The following CSMD1 variants were observed in gnomAD, a reference collection of about 807,000 sequenced individuals.
The protein encoded by CSMD1 is CUB and Sushi multiple domains 1.
Under a neutral mutation model 417.5 loss-of-function variants are expected in CSMD1, and 213 were observed. The ratio of observed to expected loss-of-function variants is 0.51; its 90% CI spans 0.46 to 0.57. The LOEUF is 0.57. Ranked by LOEUF, CSMD1 falls within the 20% of genes least tolerant of loss-of-function variation. The pLI is 0.00. For missense variants in CSMD1, 6,923 were observed against 4,529.7 expected (o/e 1.53, Z -15.17); for synonymous variants, 2,862 against 1,736.8 (o/e 1.65, Z -16.11).
chr8:4,237,793 A>C (rs190624253), intron 3 of CSMD1, among the ~76,000 whole-genome samples: 5 of 152,320 alleles, frequency 3.3e-5, no homozygotes, highest in African/African-American at 1.2e-4. Flanking sequence ...GATTGTAGAC[A>C]TGGGCCACAG....
chr8:3,253,884 T>A lies in CSMD1; in HGVS notation c.4154-23653A>T, dbSNP rs915364833. 6.6e-5 allele frequency among the ~76,000 whole-genome samples: 10 copies of A among 152,116 alleles called. No individual in the cohort carries two copies. The East Asian group carries it at 7.7e-4, about 12-fold the overall frequency. The stretch of plus-strand genomic sequence containing the variant: ...ATTTAGCCCATTTACATTTAAGGTT[T>A]ATATTGTTATGTGTGAATTTGATCC... On this transcript the variant is annotated intron_variant, in intron 26 of 69. Coordinates refer to ENST00000635120, the MANE Select transcript of CSMD1 (RefSeq NM_033225.6).
chr8:4,353,147 CCA>C (rs1801195717), intron 3 of CSMD1, among the ~76,000 whole-genome samples: 1 of 152,100 alleles, frequency 6.6e-6, no homozygotes, highest in Non-Finnish European at 1.5e-5. Flanking sequence ...GGCTGTGTCC[CCA>C]CACAACTGTC....
At chr8:4,294,920 T>C (rs888735765) in intron 3 of CSMD1, among the ~76,000 whole-genome samples, 1 of 151,596 alleles carries the variant, frequency 6.6e-6, no homozygotes, top group African/African-American at 2.4e-5. Flanking sequence ...CAGGTAACCA[T>C]GTGGTCCTAT....
chr8:3,195,082 C>G (rs773813505), intron 33 of CSMD1, among the ~76,000 whole-genome samples: 3 of 152,110 alleles, frequency 2.0e-5, no homozygotes, highest in African/African-American at 7.2e-5. Flanking sequence ...CTGGAAGGAA[C>G]TGAAAGCAGC....
intron 6 of CSMD1, among the ~76,000 whole-genome samples, chr8:3,753,428 C>T (rs1200919926): frequency 6.6e-6 from 1 of 152,242 alleles, no homozygotes; most frequent in East Asian, 1.9e-4. Flanking sequence ...CTACAGACTC[C>T]CCATTTTGCT....
At chr8:3,473,240 C>G (rs1389629075) in intron 11 of CSMD1, among the ~76,000 whole-genome samples, 11 of 152,134 alleles carry the variant, frequency 7.2e-5, no homozygotes, top group Admixed American at 5.9e-4. Flanking sequence ...AAACAGTCAG[C>G]AAGCACACTG....
At chr8:3,325,223 C>A (rs182813095) in intron 23 of CSMD1, among the ~76,000 whole-genome samples, 2 of 152,284 alleles carry the variant, frequency 1.3e-5, no homozygotes, top group Admixed American at 1.3e-4. Flanking sequence ...TGTTTAACTT[C>A]CTACAAATGA....
chr8:3,831,786 G>T lies in CSMD1; in HGVS notation c.819-77744C>A, dbSNP rs1017240909. On this transcript the variant is annotated intron_variant, in intron 5 of 69. Coordinates refer to ENST00000635120, the MANE Select transcript of CSMD1 (RefSeq NM_033225.6). ...ACACATAGCCATTTGGGATATTTTT[G>T]CTCACACGCGGGACTGTGAAATGCT... 5.3e-5 allele frequency among the ~76,000 whole-genome samples: 8 copies of T among 152,228 alleles called. No individual in the cohort carries two copies. The East Asian group carries it at 1.5e-3, about 29-fold the overall frequency.
chr8:3,919,455 T>C (rs1205382351), intron 5 of CSMD1, among the ~76,000 whole-genome samples: 2 of 152,092 alleles, frequency 1.3e-5, no homozygotes, highest in Non-Finnish European at 2.9e-5. Context: ...TTTGCTTGAG[T>C]TCACTTTCTG....
chr8:4,661,017 T>C (rs1804564963), intron 1 of CSMD1, among the ~76,000 whole-genome samples: 2 of 152,082 alleles, frequency 1.3e-5, no homozygotes, highest in Non-Finnish European at 2.9e-5. Context: ...ACATTGCTGG[T>C]TGGAATGCAA....
intron 26 of CSMD1, among the ~76,000 whole-genome samples, chr8:3,256,686 C>T (rs1003179864): frequency 6.6e-6 from 1 of 152,194 alleles, no homozygotes; most frequent in Non-Finnish European, 1.5e-5. Flanking sequence ...GATCCTGCAG[C>T]CACCCATATG....
intron 1 of CSMD1, among the ~76,000 whole-genome samples, chr8:4,853,538 G>C (rs915355530): frequency 6.6e-6 from 1 of 152,222 alleles, no homozygotes; most frequent in Non-Finnish European, 1.5e-5. Flanking sequence ...GTATCAGAAA[G>C]CCTGAGTGCT....
At chr8:3,228,661 A>G (rs1335399034) in intron 27 of CSMD1, among the ~76,000 whole-genome samples, 2 of 152,190 alleles carry the variant, frequency 1.3e-5, no homozygotes, top group Non-Finnish European at 1.5e-5. Flanking sequence ...GAGATGGCCA[A>G]CTTTTATAAT....
chr8:3,173,956 A>G (rs1047189067), intron 37 of CSMD1, among the ~76,000 whole-genome samples: 6 of 152,234 alleles, frequency 3.9e-5, no homozygotes, highest in African/African-American at 7.2e-5. Flanking sequence ...TTCAAAGGAC[A>G]TAAGGCATTT....
At chr8:3,877,662 G>C (rs1308135376) in intron 5 of CSMD1, among the ~76,000 whole-genome samples, 1 of 143,422 alleles carries the variant, frequency 7.0e-6, no homozygotes, top group Non-Finnish European at 1.5e-5. Context: ...ATTTTCCCCT[G>C]AATAAGGGTC....
intron 2 of CSMD1, among the ~76,000 whole-genome samples, chr8:4,493,550 A>T (rs932838043): frequency 6.6e-6 from 1 of 152,018 alleles, no homozygotes; most frequent in Non-Finnish European, 1.5e-5. Flanking sequence ...TTTTTAAAAC[A>T]TTAGCCAGGC....
At chr8:3,507,239 T>C (rs1796865593) in intron 10 of CSMD1, among the ~76,000 whole-genome samples, 2 of 152,216 alleles carry the variant, frequency 1.3e-5, no homozygotes, top group Admixed American at 1.3e-4. Flanking sequence ...ACAATATTTT[T>C]TTTGTAGAAG....
intron 26 of CSMD1, among the ~76,000 whole-genome samples, chr8:3,281,200 T>C (rs558986195): frequency 1.0e-3 from 156 of 152,196 alleles, no homozygotes; most frequent in African/African-American, 3.7e-3. Context: ...CCCAGCACTT[T>C]GGGAGGCTGA....
intron 41 of CSMD1, among the ~76,000 whole-genome samples, chr8:3,127,200 T>C (rs892469821): frequency 3.9e-5 from 6 of 152,068 alleles, no homozygotes; most frequent in Admixed American, 2.6e-4. Context: ...CTACAACTCT[T>C]TGGGGTCACT....
Sources: allele counts gnomAD v4.1 joint callset (sites outside exome capture counted in the v4.1 genomes callset), GRCh38; gene constraint gnomAD v4.1.1; transcripts MANE v1.5; gene names NCBI Gene and HGNC (gene_info 2026-07-23, HGNC 2026-07-21).